The following PCDHA8 variants were observed in gnomAD, a reference collection of about 807,000 sequenced individuals.
The protein encoded by PCDHA8 is protocadherin alpha 8, also known as protocadherin alpha-8.
In PCDHA8, 53 loss-of-function variants were observed where a neutral mutation model predicts 61.8. The ratio of observed to expected loss-of-function variants is 0.86; its 90% CI spans 0.69 to 1.08. The LOEUF (loss-of-function observed/expected upper bound fraction) is 1.08, where lower values mean the gene tolerates loss of function less well. Ranked by LOEUF, PCDHA8 falls within the 50% of genes least tolerant of loss-of-function variation. PCDHA8 has a pLI of 0.00. For missense variants in PCDHA8, 1,293 were observed against 1,245.0 expected (o/e 1.04, Z -0.58); for synonymous variants, 618 against 556.6 (o/e 1.11, Z -1.55).
At chr5:140,880,630 C>T (rs2058401400) in intron 1 of PCDHA8, among the ~76,000 whole-genome samples, 2 of 152,122 alleles carry the variant, frequency 1.3e-5, no homozygotes, top group Admixed American at 1.3e-4. Context: ...AGTTAATTAT[C>T]AATTCACTTG....
chr5:140,917,942 A>G (rs781844380), intron 1 of PCDHA8, among the ~76,000 whole-genome samples: 5 of 152,048 alleles, frequency 3.3e-5, no homozygotes, highest in African/African-American at 4.8e-5. Flanking sequence ...TAATATTGGT[A>G]GTTTGATAGG....
chr5:140,875,363 A>G, intron 1 of PCDHA8: 1 of 1,449,052 alleles, frequency 6.9e-7, no homozygotes, highest in Non-Finnish European at 9.1e-7. Flanking sequence ...GATGCTGGAA[A>G]AAATTTACTA....
intron 1 of PCDHA8, chr5:140,884,247 C>T: frequency 6.2e-7 from 1 of 1,613,398 alleles, no homozygotes. Context: ...CCCGCGCTGA[C>T]GGCCACGGCA....
rs781875497 is a variant in PCDHA8 at position 140,995,949 on chromosome 5, G to A, written c.2542+13386G>A. Among the ~76,000 whole-genome samples, 8 of 152,160 alleles carry A rather than the reference G, an allele frequency of 5.3e-5. No homozygotes were observed. In the East Asian group the frequency reaches 7.7e-4, roughly 15 times the overall value. ...GTAAGTATTAAATGACATAATGCACGCAAAATGCTTAGAACCATGCTTAGT... is the reference window on the plus strand; with the variant it reads ...GTAAGTATTAAATGACATAATGCACACAAAATGCTTAGAACCATGCTTAGT... On this transcript the variant is annotated intron_variant, in intron 3 of 3. Transcript: ENST00000531613.
intron 1 of PCDHA8, chr5:140,864,667 T>G (rs1234979234): frequency 2.6e-5 from 4 of 152,252 alleles, no homozygotes; most frequent in Non-Finnish European, 5.9e-5. Context: ...AATTACCTGT[T>G]GACTTAATTG....
intron 1 of PCDHA8, chr5:140,866,520 T>C (rs1294227332): frequency 6.6e-6 from 1 of 152,150 alleles, no homozygotes; most frequent in Non-Finnish European, 1.5e-5. Context: ...GACTAAGCCA[T>C]GATAGAGCAG....
intron 1 of PCDHA8, chr5:140,851,808 A>G (rs1231685115): frequency 1.1e-6 from 1 of 948,168 alleles, no homozygotes; most frequent in Non-Finnish European, 1.3e-6. Context: ...TCAGTAATCC[A>G]TAAGACAGAA....
rs1236098574 is a variant in PCDHA8 at position 140,852,665 on chromosome 5, C to T, written c.2394+8950C>T. The T allele has an allele frequency of 2.1e-6, 2 of 964,268 alleles. 1 individual carries two copies. The highest frequency in any genetic ancestry group is 3.6e-5 in the African/African-American group (2 of 55,886). 59.7% of individuals were successfully genotyped at this position (964,268 alleles called of 1,614,324 possible). A position where few individuals can be genotyped will look rare whatever the true frequency, so the allele number is the denominator to read the frequency against. Reference sequence around the variant, plus strand: ...AAACCTATCTATATCTGTCTATCAGCACAACTCACCTTGAATATAGTCTTA... The same window carrying T: ...AAACCTATCTATATCTGTCTATCAGTACAACTCACCTTGAATATAGTCTTA... On this transcript the variant is annotated intron_variant, in intron 1 of 3. Transcript: ENST00000531613.
At chr5:140,995,393 G>T (rs1267179638) in intron 3 of PCDHA8, among the ~76,000 whole-genome samples, 5 of 152,184 alleles carry the variant, frequency 3.3e-5, no homozygotes, top group Non-Finnish European at 7.3e-5. Flanking sequence ...GATAAAGCGG[G>T]ATGGCTCGAG....
chr5:140,918,680 C>A (rs1291001659), intron 1 of PCDHA8, among the ~76,000 whole-genome samples: 2 of 152,084 alleles, frequency 1.3e-5, no homozygotes, highest in Admixed American at 1.3e-4. Flanking sequence ...GAGGTGAGAC[C>A]TTTCAAACAT....
chr5:140,845,835 C>T (rs917105315), intron 1 of PCDHA8, among the ~76,000 whole-genome samples: 3 of 149,588 alleles, frequency 2.0e-5, no homozygotes, highest in Non-Finnish European at 4.5e-5. Flanking sequence ...TATTACCATT[C>T]TTAAGAGAAA....
intron 3 of PCDHA8, among the ~76,000 whole-genome samples, chr5:140,983,631 C>T (rs1336337529): frequency 2.0e-5 from 3 of 152,134 alleles, no homozygotes; most frequent in African/African-American, 7.2e-5. Context: ...AAGAAATGTA[C>T]CCAAGTTCAC....
rs2098423382 is a variant in PCDHA8, at chr5:141,012,241, T to C, written c.*2304T>C. On this transcript the variant is annotated 3_prime_UTR_variant, in exon 4 of 4. Coordinates refer to ENST00000531613, the MANE Select transcript of PCDHA8 (RefSeq NM_018911.3). ...GTGCTTTCCAATCCATGTTAGTTAC[T>C]AGTTATTACAGCTGTAAGGATAAAA... 6.5e-6 allele frequency: 1 copy of C among 153,802 alleles called. No homozygotes were observed. The highest frequency in any genetic ancestry group is 6.5e-5 in the Admixed American group (1 of 15,284). The allele number at this position is 153,802 out of a possible 1,614,324, so 9.5% of individuals were successfully genotyped here.
At chr5:140,948,564 T>C (rs1329949756) in intron 1 of PCDHA8, among the ~76,000 whole-genome samples, 1 of 151,688 alleles carries the variant, frequency 6.6e-6, no homozygotes, top group Non-Finnish European at 1.5e-5. Flanking sequence ...TTAAGTTGTA[T>C]TTTTTAAAGG....
Position 140,841,349 on chromosome 5 carries a change from G to A in PCDHA8, c.28G>A (p.Gly10Arg), listed in dbSNP as rs2150314039. The A allele has an allele frequency of 5.3e-5, 86 of 1,612,662 alleles. 1 individual carries two copies. In the East Asian group the frequency reaches 1.9e-3, roughly 36 times the overall value. The change falls in exon 1 of 4, where the codon GGA becomes AGA. Residue 10 changes from glycine to arginine, a missense_variant. Gly to Arg is a moderately radical substitution (Grantham distance 125). Coordinates refer to ENST00000531613, the MANE Select transcript of PCDHA8 (RefSeq NM_018911.3). ...GGATTATCACTGGCGAGGAGAGCTG[G>A]GATCCTGGCGACTACTACTCTTGCT... MDYHWRGEL[G>R]SWRLLLLLLL...
chr5:140,863,769 C>T (rs1032568276), intron 1 of PCDHA8: 6 of 236,858 alleles, frequency 2.5e-5, no homozygotes, highest in African/African-American at 1.1e-4. Context: ...GAAGCCGAGG[C>T]GGGCGGATCA....
At chr5:140,931,815 T>C (rs954167352) in intron 1 of PCDHA8, among the ~76,000 whole-genome samples, 47 of 152,114 alleles carry the variant, frequency 3.1e-4, no homozygotes, top group African/African-American at 8.4e-4. Flanking sequence ...TAGAAAAGAA[T>C]TCTTGTCATA....
At chr5:140,980,307 TA>T (rs1554241617) in intron 2 of PCDHA8, among the ~76,000 whole-genome samples, 2 of 152,140 alleles carry the variant, frequency 1.3e-5, no homozygotes, top group African/African-American at 4.8e-5. Context: ...AGTTGTGCCT[TA>T]AAAACTACAT....
At chr5:140,872,023 C>G (rs1554166000) in intron 1 of PCDHA8, among the ~76,000 whole-genome samples, 1 of 152,226 alleles carries the variant, frequency 6.6e-6, no homozygotes, top group African/African-American at 2.4e-5. Flanking sequence ...TAGCCTGGAA[C>G]TGCTAAGCTC....
Sources: allele counts gnomAD v4.1 joint callset (sites outside exome capture counted in the v4.1 genomes callset), GRCh38; gene constraint gnomAD v4.1.1; transcripts MANE v1.5; gene names NCBI Gene and HGNC (gene_info 2026-07-23, HGNC 2026-07-21).